The following FHIT variants were observed in gnomAD, a reference collection of about 807,000 sequenced individuals.
FHIT encodes fragile histidine triad diadenosine triphosphatase, also known as bis(5'-adenosyl)-triphosphatase.
Under a neutral mutation model 17.9 loss-of-function variants are expected in FHIT, and 19 were observed. The ratio of observed to expected loss-of-function variants is 1.06; its 90% confidence interval spans 0.74 to 1.56. FHIT has a LOEUF of 1.56. Ranked by LOEUF, FHIT falls within the 40% of genes most tolerant of loss-of-function variation. The probability of loss-of-function intolerance (pLI) is 0.00; values close to 1 mark genes in which losing one functional copy is unlikely to be tolerated. For missense variants in FHIT, 248 were observed against 189.2 expected, an observed-to-expected ratio of 1.31 and a Z score of -1.82; for synonymous variants, 81 against 69.7, an observed-to-expected ratio of 1.16 and a Z score of -0.81.
intron 3 of FHIT, among the ~76,000 whole-genome samples, chr3:60,951,413 G>C (rs1003463258): frequency 6.6e-6 from 1 of 152,154 alleles, no homozygotes; most frequent in Non-Finnish European, 1.5e-5. Flanking sequence ...TATGGTGTCA[G>C]GTGCTACTTA....
rs891088790 is a variant in FHIT at position 60,903,112 on chromosome 3, T to C, written c.-110-81101A>G. ...TTGAGAATCAAAAAAACTAAGTTGGTTCAAATACAAAAGAAAAATAAAATG... is the reference window on the plus strand; with the variant it reads ...TTGAGAATCAAAAAAACTAAGTTGGCTCAAATACAAAAGAAAAATAAAATG... On this transcript the variant is annotated intron_variant, in intron 3 of 9. Coordinates refer to ENST00000492590, the MANE Select transcript of FHIT (RefSeq NM_002012.4). Among the ~76,000 whole-genome samples the C allele has an allele frequency of 3.3e-5, 5 of 152,226 alleles. No individual in the cohort carries two copies. The South Asian group carries it at 1.0e-3, about 32-fold the overall frequency.
At chr3:61,198,512 C>T (rs1272176990) in intron 2 of FHIT, among the ~76,000 whole-genome samples, 1 of 133,390 alleles carries the variant, frequency 7.5e-6, no homozygotes, top group South Asian at 2.7e-4. Context: ...GAAAAACATA[C>T]ACGACAGAAA....
intron 5 of FHIT, among the ~76,000 whole-genome samples, chr3:60,394,722 T>A (rs1701365076): frequency 6.6e-6 from 1 of 152,182 alleles, no homozygotes; most frequent in Non-Finnish European, 1.5e-5. Flanking sequence ...ATTATATATG[T>A]TTAGAATAGT....
chr3:60,089,782 T>C (rs1559622463), intron 5 of FHIT, among the ~76,000 whole-genome samples: 1 of 152,184 alleles, frequency 6.6e-6, no homozygotes, highest in African/African-American at 2.4e-5. Flanking sequence ...TGGTAACTTG[T>C]TGGCAGCTCC....
At chr3:60,811,463 G>T (rs1372845045) in intron 4 of FHIT, among the ~76,000 whole-genome samples, 1 of 152,186 alleles carries the variant, frequency 6.6e-6, no homozygotes, top group Non-Finnish European at 1.5e-5. Flanking sequence ...GAAAACTCGA[G>T]TGAATTCTCA....
intron 5 of FHIT, among the ~76,000 whole-genome samples, chr3:60,317,171 A>C (rs1359893831): frequency 6.7e-6 from 1 of 149,442 alleles, no homozygotes; most frequent in Non-Finnish European, 1.5e-5. Flanking sequence ...TAAAAATTCA[A>C]ATGGCTTATA....
chr3:61,225,666 A>C lies in FHIT; in HGVS notation c.-212-25001T>G, dbSNP rs1027059314. ...TATTGTTGATTCCTTTGCCTGTTTC[A>C]TAAATTAGATAAAGCAACGTGGAAG... On this transcript the variant is annotated intron_variant, in intron 1 of 9. Coordinates refer to ENST00000492590, the MANE Select transcript of FHIT (RefSeq NM_002012.4). Among the ~76,000 whole-genome samples the C allele has an allele frequency of 2.0e-5, 3 of 152,244 alleles. No individual in the cohort carries two copies. The East Asian group carries it at 5.8e-4, about 29-fold the overall frequency.
At position 59,759,065 on chromosome 3, in the gene FHIT, G is replaced by T. The variant is rs539083944; in HGVS notation, c.349-6744C>A. Among the ~76,000 whole-genome samples, 3 of 152,162 alleles carry T rather than the reference G, an allele frequency of 2.0e-5. No individual in the cohort carries two copies. The East Asian group carries it at 5.8e-4, about 30-fold the overall frequency. Reference sequence around the variant, plus strand: ...AAAGGAAGGCTTCACTGAAGATGTAGCATATAAGTTGAGGTGTGAATAATG... The same window carrying T: ...AAAGGAAGGCTTCACTGAAGATGTATCATATAAGTTGAGGTGTGAATAATG... On this transcript the variant is annotated intron_variant, in intron 8 of 9. Transcript: ENST00000492590.
chr3:59,903,729 G>A (rs1264758314), intron 8 of FHIT, among the ~76,000 whole-genome samples: 3 of 152,194 alleles, frequency 2.0e-5, no homozygotes, highest in Non-Finnish European at 4.4e-5. Context: ...ACCAAAGGCA[G>A]CAATCTGAAA....
At chr3:60,164,456 C>A (rs1398457311) in intron 5 of FHIT, among the ~76,000 whole-genome samples, 1 of 152,192 alleles carries the variant, frequency 6.6e-6, no homozygotes, top group African/African-American at 2.4e-5. Flanking sequence ...TGCACCATCC[C>A]ACGTTTCCGT....
At chr3:60,464,371 CTATCA>C (rs1241640012) in intron 5 of FHIT, among the ~76,000 whole-genome samples, 2 of 152,008 alleles carry the variant, frequency 1.3e-5, no homozygotes, top group Non-Finnish European at 2.9e-5. Flanking sequence ...ACAAACAATC[CTATCA>C]TATTTTTAAG....
intron 3 of FHIT, among the ~76,000 whole-genome samples, chr3:61,017,599 T>G (rs1575845103): frequency 6.6e-6 from 1 of 152,314 alleles, no homozygotes; most frequent in East Asian, 1.9e-4. Context: ...TGTGCTCACA[T>G]TAGACTCCCT....
chr3:60,549,322 A>G (rs976900774), intron 4 of FHIT, among the ~76,000 whole-genome samples: 16 of 152,180 alleles, frequency 1.1e-4, no homozygotes, highest in African/African-American at 3.9e-4. Context: ...AATAATAGAA[A>G]TAACAGCTAA....
chr3:60,535,601 T>C (rs1252322161), intron 5 of FHIT, among the ~76,000 whole-genome samples: 2 of 151,434 alleles, frequency 1.3e-5, no homozygotes, highest in East Asian at 3.9e-4. Context: ...TTTTTTTTAA[T>C]AAACAGAAGA....
chr3:60,118,250 G>A (rs976495118), intron 5 of FHIT, among the ~76,000 whole-genome samples: 8 of 151,532 alleles, frequency 5.3e-5, no homozygotes, highest in Non-Finnish European at 1.2e-4. Context: ...AAGACCAGAG[G>A]TGCACACCAC....
intron 7 of FHIT, among the ~76,000 whole-genome samples, chr3:60,009,072 G>T (rs531139383): frequency 6.6e-6 from 1 of 152,148 alleles, no homozygotes; most frequent in African/African-American, 2.4e-5. Flanking sequence ...GTGATACAAA[G>T]ATCGCATTTT....
intron 3 of FHIT, chr3:60,856,579 A>G (rs907896000): frequency 2.6e-5 from 4 of 152,172 alleles, no homozygotes; most frequent in African/African-American, 9.7e-5. Flanking sequence ...AATGAACCAC[A>G]GAAATGACCC....
chr3:60,101,573 C>A (rs1279783620), intron 5 of FHIT, among the ~76,000 whole-genome samples: 1 of 152,184 alleles, frequency 6.6e-6, no homozygotes, highest in Non-Finnish European at 1.5e-5. Flanking sequence ...TTTACACAAA[C>A]TGCAATGATT....
Position 60,686,363 on chromosome 3 carries a change from T to G in FHIT, c.-18+135556A>C, listed in dbSNP as rs536554063. On this transcript the variant is annotated intron_variant, in intron 4 of 9. Transcript: ENST00000492590. ...GGCCACTGTTTCTTCAAATATTAGGTTGGCACAAAAGTAATTGTGGGTTTT... is the reference window on the plus strand; with the variant it reads ...GGCCACTGTTTCTTCAAATATTAGGGTGGCACAAAAGTAATTGTGGGTTTT... Among the ~76,000 whole-genome samples, 105 of 151,998 alleles carry G rather than the reference T, an allele frequency of 6.9e-4. 1 individual carries two copies. The highest frequency in any genetic ancestry group is 2.5e-3 in the African/African-American group (105 of 41,466).
Sources: allele counts gnomAD v4.1 joint callset (sites outside exome capture counted in the v4.1 genomes callset), GRCh38; gene constraint gnomAD v4.1.1; transcripts MANE v1.5; gene names NCBI Gene and HGNC (gene_info 2026-07-23, HGNC 2026-07-21).